The following ASPHD1 variants were observed in gnomAD, a reference collection of about 807,000 sequenced individuals.
ASPHD1 encodes aspartate beta-hydroxylase domain containing 1.
In ASPHD1, 20 loss-of-function variants were observed where a neutral mutation model predicts 28.3. That is an observed-to-expected ratio of 0.71 (90% CI 0.50 to 1.03). ASPHD1 has a LOEUF of 1.03. ASPHD1 is among the 50% of genes least tolerant of loss of function. The pLI is 0.00. For missense variants in ASPHD1, 479 were observed against 524.1 expected (o/e 0.91, Z 0.84); for synonymous variants, 240 against 221.2 (o/e 1.08, Z -0.75).
chr16:29,914,975 C>CAAA, intron 3 of ASPHD1: 1 of 128,144 alleles, frequency 7.8e-6, no homozygotes, highest in Non-Finnish European at 1.7e-5. Flanking sequence ...GACTCTGTCT[C>CAAA]AAAAAAAAAA....
intron 3 of ASPHD1, chr16:29,911,511 G>T: frequency 1.8e-6 from 1 of 568,356 alleles, no homozygotes; most frequent in Non-Finnish European, 3.1e-6. Context: ...TCTGTAAAAT[G>T]GAGCTCACAA....
chr16:29,901,807 G>A lies in ASPHD1; in HGVS notation c.836G>A (p.Arg279Gln). The change falls in exon 1 of 3, where the codon CGA (arginine) becomes CAA (glutamine). Residue 279 changes from arginine to glutamine, a missense_variant. Physicochemically the swap from Arg to Gln is conservative, Grantham distance 43. Coordinates refer to ENST00000308748, the MANE Select transcript of ASPHD1 (RefSeq NM_181718.4). This position sits in a 1 kb window ranked among gnomAD's most constrained non-coding sequence, Gnocchi z 5.1. ...PGAYRALRGL[R>Q]SFMSANTFGN... ...GCCTATCGGGCACTGAGGGGGCTTC[G>A]AAGCTTTATGAGTGCCAACACCTTC... 6.4e-7 allele frequency: 1 copy of A among 1,561,168 alleles called. No homozygotes were observed. Among genetic ancestry groups the A allele is most frequent in the Non-Finnish European group, 8.7e-7 (1 of 1,154,250 alleles).
chr16:29,911,816 T>C, intron 3 of ASPHD1: 1 of 1,612,720 alleles, frequency 6.2e-7, no homozygotes, highest in South Asian at 1.1e-5. Flanking sequence ...GGCGGTCACC[T>C]GGTGTAGGAG....
intron 3 of ASPHD1, chr16:29,911,856 C>T: frequency 6.2e-7 from 1 of 1,612,378 alleles, no homozygotes; most frequent in Non-Finnish European, 8.5e-7. Context: ...TGTGCAGGAG[C>T]TTCACCACGG....
chr16:29,900,724 A>C lies in ASPHD1; in HGVS notation c.-248A>C. 97 of 544,998 alleles carry C rather than the reference A, an allele frequency of 1.8e-4. No individual in the cohort carries two copies. Among genetic ancestry groups the C allele is most frequent in the East Asian group, 2.3e-4 (7 of 30,776 alleles). The allele number at this position is 544,998 out of a possible 1,614,324, so 33.8% of individuals were successfully genotyped here. A position where few individuals can be genotyped will look rare whatever the true frequency, so the allele number is the denominator to read the frequency against. The stretch of plus-strand genomic sequence containing the variant: ...GGAAGACAGGCTGCGGGTTCCCGGG[A>C]CTGCAGGTCCAGGCAGGGTAGGAAC... On this transcript the variant is annotated 5_prime_UTR_variant, in exon 1 of 3. Coordinates refer to ENST00000308748, the MANE Select transcript of ASPHD1 (RefSeq NM_181718.4).
chr16:29,911,948 TG>T (rs2068720904), intron 3 of ASPHD1: 1 of 1,610,540 alleles, frequency 6.2e-7, no homozygotes, highest in Non-Finnish European at 8.5e-7. Context: ...CTGCAGGGCT[TG>T]GGGGCCTCAC....
intron 2 of ASPHD1, among the ~76,000 whole-genome samples, chr16:29,905,482 C>T (rs1442402429): frequency 6.6e-6 from 1 of 151,686 alleles, no homozygotes; most frequent in African/African-American, 2.4e-5. Flanking sequence ...AAAGAAATTA[C>T]CCAGGTGTGG....
intron 3 of ASPHD1, among the ~76,000 whole-genome samples, chr16:29,916,896 C>T (rs564727701): frequency 3.9e-5 from 6 of 152,166 alleles, no homozygotes; most frequent in South Asian, 4.2e-4. Flanking sequence ...ACCACTATGG[C>T]GGGGAGTCTG....
chr16:29,912,124 C>T, intron 3 of ASPHD1: 1 of 1,054,550 alleles, frequency 9.5e-7, no homozygotes, highest in East Asian at 2.6e-5. Context: ...CCTTCAAAAG[C>T]TGGTTGGGAA....
At chr16:29,905,535 G>A (rs2068597549) in intron 2 of ASPHD1, among the ~76,000 whole-genome samples, 2 of 150,976 alleles carry the variant, frequency 1.3e-5, no homozygotes, top group Admixed American at 6.6e-5. Context: ...GACTGAGGCA[G>A]GAGAATTGCT....
downstream of ASPHD1, chr16:29,907,009 C>T: frequency 5.0e-6 from 8 of 1,614,192 alleles, no homozygotes; most frequent in Non-Finnish European, 6.8e-6. Flanking sequence ...CCAGCTGCTC[C>T]CCCTGTGGCC....
rs773306612 is a variant in ASPHD1, at chr16:29,901,121, G to A, written c.150G>A (p.Gly50=). Residue 50 remains glycine, a synonymous_variant, in exon 1 of 3, where the codon GGG becomes GGA. Transcript: ENST00000308748. This position sits in a 1 kb window ranked among gnomAD's most constrained non-coding sequence, Gnocchi z 5.1. The part of the protein sequence containing the change: ...EGTGGELGGQ[G]NWGPEDAPGL... ...CAGGTGGGGAGCTGGGGGGACAGGG[G>A]AACTGGGGTCCGGAGGACGCCCCAG... is the stretch of plus-strand genomic sequence containing the variant. 2 of 1,608,624 alleles carry A rather than the reference G, an allele frequency of 1.2e-6. No homozygotes were observed. Among genetic ancestry groups the A allele is most frequent in the Non-Finnish European group, 8.5e-7 (1 of 1,177,458 alleles).
downstream of ASPHD1, chr16:29,906,582 G>A (rs1316687356): frequency 3.5e-6 from 2 of 574,678 alleles, no homozygotes; most frequent in Non-Finnish European, 6.6e-6. Context: ...AAAAGAGAAA[G>A]GGAATTCTAA....
intron 1 of ASPHD1, 67 bp from the exon 2 acceptor site, chr16:29,904,785 T>C: frequency 2.9e-6 from 3 of 1,039,020 alleles, no homozygotes; most frequent in Non-Finnish European, 4.3e-6. Flanking sequence ...TAGTTGCTAA[T>C]TGACTGGCCA....
downstream of ASPHD1, among the ~76,000 whole-genome samples, chr16:29,910,071 T>C (rs1249939468): frequency 1.4e-5 from 2 of 146,494 alleles, no homozygotes; most frequent in Non-Finnish European, 3.0e-5. Context: ...GCACTGCAGC[T>C]TGGGCAACAG....
In ASPHD1 at chr16:29,904,904, C is replaced by G. The variant is rs757552446; in HGVS notation, c.1002C>G (p.Cys334Trp). The G allele has an allele frequency of 2.1e-5, 34 of 1,613,418 alleles. No homozygotes were observed. The highest frequency in any genetic ancestry group is 2.9e-5 in the Non-Finnish European group (34 of 1,179,840). ...TGGTGGTCGGCGGTGAGCCCCAGTG[C>G]TGGGCTGAGGGGCACTGTCTACTGG... ...CELVVGGEPQ[C>W]WAEGHCLLVD... The change falls in exon 2 of 3, where the codon TGC becomes TGG. Residue 334 changes from cysteine to tryptophan, a missense_variant. By Grantham distance (215) the Cys-to-Trp change is radical. Transcript: ENST00000308748.
At chr16:29,906,431 AG>A, downstream of ASPHD1, 1 of 440,684 alleles carries the variant, frequency 2.3e-6, no homozygotes, top group Non-Finnish European at 4.6e-6. Flanking sequence ...GGGCAGGCCC[AG>A]GCCAGTCTAG....
downstream of ASPHD1, among the ~76,000 whole-genome samples, chr16:29,907,297 G>A (rs2068630539): frequency 1.3e-5 from 2 of 152,204 alleles, no homozygotes; most frequent in African/African-American, 4.8e-5. Context: ...AAGTCAGGCA[G>A]GCAGAATTAT....
intron 3 of ASPHD1, chr16:29,913,072 A>T (rs1022491830): frequency 8.0e-5 from 12 of 150,206 alleles, no homozygotes; most frequent in African/African-American, 2.9e-4. Context: ...AACTCATAAG[A>T]CTCTCTAAAA....
Sources: allele counts gnomAD v4.1 joint callset (sites outside exome capture counted in the v4.1 genomes callset), GRCh38; gene constraint gnomAD v4.1.1; non-coding constraint Gnocchi (gnomAD v3.1); transcripts MANE v1.5; gene names NCBI Gene and HGNC (gene_info 2026-07-23, HGNC 2026-07-21).